Variants in PARVA observed in about 807,000 individuals in gnomAD.
PARVA encodes the protein alpha-parvin.
Under a neutral mutation model 52.6 loss-of-function variants are expected in PARVA, and 25 were observed. That is an observed-to-expected ratio of 0.48 (90% CI 0.35 to 0.66). The LOEUF (loss-of-function observed/expected upper bound fraction) is 0.66. PARVA is among the 30% of genes least tolerant of loss of function. PARVA has a pLI of 0.01. For missense variants in PARVA, 373 were observed against 450.9 expected (o/e 0.83, Z 1.56); for synonymous variants, 185 against 179.1 (o/e 1.03, Z -0.26).
chr11:12,464,417 A>G (rs1031174277), intron 1 of PARVA, among the ~76,000 whole-genome samples: 1 of 152,226 alleles, frequency 6.6e-6, no homozygotes, highest in African/African-American at 2.4e-5. Flanking sequence ...TAATTGTTCA[A>G]TTCCAGCATA....
chr11:12,522,189 A>G (rs935973611), intron 12 of PARVA, among the ~76,000 whole-genome samples: 37 of 152,326 alleles, frequency 2.4e-4, no homozygotes, highest in African/African-American at 8.7e-4. Context: ...ATCCCAGTAG[A>G]CTAGCTACAT....
At chr11:12,505,889 G>A (rs377483525) in intron 6 of PARVA, among the ~76,000 whole-genome samples, 3 of 152,190 alleles carry the variant, frequency 2.0e-5, no homozygotes, top group African/African-American at 4.8e-5. Context: ...GTCCCCATAG[G>A]TGGGAGCACA....
At chr11:12,380,594 A>G (rs1052071642) in intron 1 of PARVA, among the ~76,000 whole-genome samples, 1 of 150,918 alleles carries the variant, frequency 6.6e-6, no homozygotes, top group African/African-American at 2.5e-5. Context: ...CATAGGGCAC[A>G]GAGCAGTGCA....
chr11:12,400,157 G>C (rs1014590860), intron 1 of PARVA, among the ~76,000 whole-genome samples: 1 of 152,124 alleles, frequency 6.6e-6, no homozygotes, highest in African/African-American at 2.4e-5. Context: ...TTTTAAAAGG[G>C]ATGTGCCAAC....
chr11:12,439,239 G>C (rs1940428191), intron 1 of PARVA, among the ~76,000 whole-genome samples: 2 of 152,058 alleles, frequency 1.3e-5, no homozygotes, highest in Admixed American at 6.5e-5. Context: ...GAGGGTGAAT[G>C]GGGAAGGGGA....
chr11:12,436,937 C>CT (rs748463221), intron 1 of PARVA, among the ~76,000 whole-genome samples: 2 of 152,052 alleles, frequency 1.3e-5, no homozygotes, highest in Non-Finnish European at 2.9e-5. Flanking sequence ...GAAAGGGAAA[C>CT]TTTTTTGTGT....
chr11:12,424,350 C>T (rs1940196449), intron 1 of PARVA, among the ~76,000 whole-genome samples: 1 of 151,996 alleles, frequency 6.6e-6, no homozygotes, highest in South Asian at 2.1e-4. Flanking sequence ...ATTTATTTTT[C>T]ATCGTGTCCT....
In PARVA at chr11:12,533,667, T is replaced by C. The variant is rs1370688836; in HGVS notation, c.*5742T>C. 6.6e-6 allele frequency among the ~76,000 whole-genome samples: 1 copy of C among 152,178 alleles called. No individual in the cohort carries two copies. The highest frequency in any genetic ancestry group is 2.4e-5 in the African/African-American group (1 of 41,422). ...CACATAGCTAGTATGTTATGTGCAT[T>C]ATATACTATATCCTTACCATACGGT... On this transcript the variant is annotated 3_prime_UTR_variant, in exon 13 of 13. Transcript: ENST00000334956.
chr11:12,434,957 A>G (rs1484149376), intron 1 of PARVA, among the ~76,000 whole-genome samples: 4 of 151,932 alleles, frequency 2.6e-5, no homozygotes, highest in Non-Finnish European at 5.9e-5. Context: ...CACCCCACAC[A>G]CCAGTCCCTT....
At chr11:12,400,473 A>G (rs1939810806) in intron 1 of PARVA, among the ~76,000 whole-genome samples, 1 of 152,202 alleles carries the variant, frequency 6.6e-6, no homozygotes, top group Admixed American at 6.5e-5. Context: ...CCTTATCTCC[A>G]CTGTCTAGAT....
intron 4 of PARVA, among the ~76,000 whole-genome samples, chr11:12,494,519 CTG>C (rs1941273034): frequency 6.6e-6 from 1 of 152,120 alleles, no homozygotes; most frequent in Non-Finnish European, 1.5e-5. Context: ...TTTTCAGGAA[CTG>C]GGGACAAAAC....
intron 1 of PARVA, among the ~76,000 whole-genome samples, chr11:12,427,421 C>G (rs10732453): frequency 0.97 from 147,361 of 152,266 alleles, 71,494 homozygotes; most frequent in East Asian, 1. Context: ...CCCTTCCTAG[C>G]ACAGAAAAAT....
At chr11:12,416,819 G>C (rs1238727036) in intron 1 of PARVA, among the ~76,000 whole-genome samples, 3 of 151,958 alleles carry the variant, frequency 2.0e-5, no homozygotes, top group African/African-American at 7.3e-5. Context: ...AGGGCACGAG[G>C]GCAGAGAGAT....
chr11:12,458,036 G>A (rs1012229029), intron 1 of PARVA, among the ~76,000 whole-genome samples: 1 of 152,320 alleles, frequency 6.6e-6, no homozygotes, highest in East Asian at 1.9e-4. Context: ...CTAGAATAGT[G>A]TGTGGCATAC....
intron 7 of PARVA, among the ~76,000 whole-genome samples, chr11:12,509,310 T>C (rs978920367): frequency 6.6e-6 from 1 of 152,144 alleles, no homozygotes; most frequent in African/African-American, 2.4e-5. Flanking sequence ...AGCAGCATAG[T>C]GCAAAGAGCA....
chr11:12,409,832 G>A (rs926896829), intron 1 of PARVA, among the ~76,000 whole-genome samples: 1 of 152,218 alleles, frequency 6.6e-6, no homozygotes, highest in Non-Finnish European at 1.5e-5. Context: ...AAGCAAGTAC[G>A]AAGTTTTTGC....
chr11:12,456,127 C>T (rs1000106818), intron 1 of PARVA, among the ~76,000 whole-genome samples: 18 of 152,330 alleles, frequency 1.2e-4, no homozygotes, highest in African/African-American at 4.3e-4. Context: ...TCTTATTCCA[C>T]TAGGTCATCA....
At chr11:12,488,255 G>A (rs1941187542) in intron 4 of PARVA, among the ~76,000 whole-genome samples, 1 of 152,114 alleles carries the variant, frequency 6.6e-6, no homozygotes, top group Non-Finnish European at 1.5e-5. Flanking sequence ...TAAGAAAATA[G>A]ATTTTCATTT....
At chr11:12,474,022 ACCCAC>A in intron 3 of PARVA, 39 bp downstream of exon 3, 1 of 1,498,692 alleles carries the variant, frequency 6.7e-7, no homozygotes, top group Non-Finnish European at 9.1e-7. Flanking sequence ...TGCCTCACTG[ACCCAC>A]CATGTGTCCA....
Sources: gnomAD v4.1 joint callset for allele counts (sites outside exome capture counted in the v4.1 genomes callset) on GRCh38, gnomAD v4.1.1 for gene constraint, MANE v1.5 for transcripts, NCBI Gene and HGNC (gene_info 2026-07-23, HGNC 2026-07-21) for gene names.